The following CELF2 variants were observed in gnomAD, a reference collection of about 807,000 sequenced individuals.
CELF2 encodes the protein CUG triplet repeat RNA-binding protein 2.
A neutral mutation model predicts 62.6 loss-of-function variants in CELF2; 8 were observed. The ratio of observed to expected loss-of-function variants is 0.13; its 90% CI spans 0.07 to 0.23. CELF2 has a LOEUF of 0.23. CELF2 is among the 10% of genes least tolerant of loss of function. CELF2 has a pLI of 1.00. For synonymous variants in CELF2, 258 were observed against 250.0 expected (o/e 1.03, Z -0.30); for missense variants, 333 against 671.0 (o/e 0.50, Z 5.56).
intron 3 of CELF2, among the ~76,000 whole-genome samples, chr10:11,225,348 A>G (rs1030046535): frequency 2.6e-5 from 4 of 152,162 alleles, no homozygotes. Flanking sequence ...AACGCTTGCA[A>G]TGCCCTCTGT....
chr10:10,945,259 C>T (rs1050691901), intron 2 of CELF2, among the ~76,000 whole-genome samples: 5 of 152,170 alleles, frequency 3.3e-5, no homozygotes, highest in East Asian at 3.9e-4. Context: ...CAGCATTTCC[C>T]TCCTTCGGCT....
the CELF2 span, among the ~76,000 whole-genome samples, chr10:10,729,294 C>A: frequency 6.6e-6 from 1 of 152,144 alleles, no homozygotes; most frequent in African/African-American, 2.4e-5. Flanking sequence ...AAAATCCCAA[C>A]AAAGTACGTT....
intron 1 of CELF2, among the ~76,000 whole-genome samples, chr10:11,096,964 C>G (rs970287558): frequency 6.6e-6 from 1 of 152,156 alleles, no homozygotes; most frequent in African/African-American, 2.4e-5. Flanking sequence ...TTCTATATTA[C>G]TAGTTCCTTA....
intron 1 of CELF2, among the ~76,000 whole-genome samples, chr10:10,812,865 C>G (rs1047215916): frequency 1.3e-5 from 2 of 152,226 alleles, no homozygotes; most frequent in South Asian, 2.1e-4. Flanking sequence ...CTCCTGTATC[C>G]CTTATATCAT....
intron 1 of CELF2, among the ~76,000 whole-genome samples, chr10:11,006,465 T>C (rs558243050): frequency 6.6e-6 from 1 of 152,344 alleles, no homozygotes; most frequent in South Asian, 2.1e-4. Flanking sequence ...GAAAACTTAT[T>C]GATTGAGAAT....
intron 1 of CELF2, among the ~76,000 whole-genome samples, chr10:11,108,408 G>A (rs1324261730): frequency 6.6e-6 from 1 of 150,976 alleles, no homozygotes; most frequent in South Asian, 2.1e-4. Context: ...TGCTAGGTGT[G>A]CATCTTACTC....
At chr10:10,869,291 C>T (rs193125131) in intron 1 of CELF2, among the ~76,000 whole-genome samples, 137 of 152,234 alleles carry the variant, frequency 9.0e-4, no homozygotes, top group Non-Finnish European at 1.7e-3. Flanking sequence ...AGGTGGGGCG[C>T]GGTGGCTCAC....
chr10:11,120,433 G>A (rs2057502125), intron 1 of CELF2, among the ~76,000 whole-genome samples: 2 of 152,090 alleles, frequency 1.3e-5, no homozygotes, highest in South Asian at 4.1e-4. Flanking sequence ...TTCTATGATT[G>A]TTGAATAACA....
At chr10:10,521,323 A>AG in the CELF2 span, among the ~76,000 whole-genome samples, 1 of 152,300 alleles carries the variant, frequency 6.6e-6, no homozygotes, top group East Asian at 1.9e-4. Flanking sequence ...TAAATATGTC[A>AG]GGCACTTGAC....
At chr10:11,004,364 T>C (rs1339125825), upstream of CELF2, among the ~76,000 whole-genome samples, 1 of 152,118 alleles carries the variant, frequency 6.6e-6, no homozygotes, top group East Asian at 1.9e-4. This position sits in a 1 kb window ranked among gnomAD's most constrained non-coding sequence, Gnocchi z 5.0. Context: ...GCTTGCACTT[T>C]TGATGACGGA....
rs2096029419 is a variant in CELF2, at chr10:11,331,861, G to GCTAT, written c.*2811_*2814dup. 1.3e-5 allele frequency: 2 copies of GCTAT among 152,596 alleles called. No individual in the cohort carries two copies. Among genetic ancestry groups the GCTAT allele is most frequent in the Non-Finnish European group, 2.9e-5 (2 of 68,042 alleles). 9.5% of individuals were successfully genotyped at this position (152,596 alleles called of 1,614,324 possible). On this transcript the variant is annotated 3_prime_UTR_variant, in exon 13 of 13. Coordinates refer to ENST00000633077, the MANE Select transcript of CELF2 (RefSeq NM_001326342.2). ...GAACTTTTAACCCTTTCTACCCAGA[G>GCTAT]CTATCTGGAATGTTGATGACTTTTT...
intron 2 of CELF2, among the ~76,000 whole-genome samples, chr10:10,932,696 A>G (rs796906891): frequency 1.5e-3 from 184 of 121,896 alleles, no homozygotes; most frequent in South Asian, 8.6e-3. Flanking sequence ...GTGTGTGTGT[A>G]TATATATATG....
At chr10:10,605,714 G>A in the CELF2 span, among the ~76,000 whole-genome samples, 10 of 152,140 alleles carry the variant, frequency 6.6e-5, no homozygotes, top group East Asian at 7.7e-4. Flanking sequence ...GTGTGTTTGC[G>A]CAAATATTCT....
chr10:10,646,397 C>T, the CELF2 span, among the ~76,000 whole-genome samples: 2 of 152,200 alleles, frequency 1.3e-5, no homozygotes, highest in African/African-American at 4.8e-5. Context: ...ACAAATCTCT[C>T]GTTAAACATT....
At chr10:10,500,843 A>G in the CELF2 span, among the ~76,000 whole-genome samples, 1 of 152,096 alleles carries the variant, frequency 6.6e-6, no homozygotes, top group Non-Finnish European at 1.5e-5. Flanking sequence ...TCTGTTCTCC[A>G]TTTCTATAAT....
At chr10:10,513,414 T>A in the CELF2 span, among the ~76,000 whole-genome samples, 1 of 152,192 alleles carries the variant, frequency 6.6e-6, no homozygotes, top group South Asian at 2.1e-4. Context: ...GATTTTCTAT[T>A]TTAAGGCTTT....
chr10:10,751,096 A>C, the CELF2 span, among the ~76,000 whole-genome samples: 1 of 152,384 alleles, frequency 6.6e-6, no homozygotes, highest in South Asian at 2.1e-4. Context: ...CAGCAGGCTT[A>C]AGAAGATCTC....
At chr10:10,833,472 C>A (rs1166445128) in intron 1 of CELF2, among the ~76,000 whole-genome samples, 1 of 152,116 alleles carries the variant, frequency 6.6e-6, no homozygotes, top group Non-Finnish European at 1.5e-5. Context: ...AAGAGTAAGA[C>A]CTTGCTGTAA....
the CELF2 span, among the ~76,000 whole-genome samples, chr10:10,770,664 C>T: frequency 3.9e-5 from 6 of 152,096 alleles, no homozygotes; most frequent in African/African-American, 1.4e-4. Context: ...CCCCACCCCC[C>T]ACTCCTCACC....
Sources: gnomAD v4.1 joint callset for allele counts (sites outside exome capture counted in the v4.1 genomes callset) on GRCh38, gnomAD v4.1.1 for gene constraint, Gnocchi (gnomAD v3.1) non-coding constraint, MANE v1.5 for transcripts, NCBI Gene and HGNC (gene_info 2026-07-23, HGNC 2026-07-21) for gene names.